Variants in SYT17 observed in about 807,000 individuals in gnomAD.
SYT17 encodes synaptotagmin-17.
Under a neutral mutation model 46.7 loss-of-function variants are expected in SYT17, and 22 were observed. That is an observed-to-expected ratio of 0.47 (90% CI 0.34 to 0.67). SYT17 has a LOEUF of 0.67. Among genes scored for constraint, SYT17 ranks in the 30% least tolerant of loss-of-function variants. SYT17 has a pLI of 0.01. For missense variants in SYT17, 519 were observed against 612.8 expected, an observed-to-expected ratio of 0.85 and a Z score of 1.62; for synonymous variants, 251 against 248.4, an observed-to-expected ratio of 1.01 and a Z score of -0.10.
chr16:19,251,631 A>C (rs1289654805), intron 7 of SYT17, among the ~76,000 whole-genome samples: 3 of 152,112 alleles, frequency 2.0e-5, no homozygotes, highest in Admixed American at 1.3e-4. Flanking sequence ...GCCCATGGGA[A>C]GTGACAGCTT....
chr16:19,178,228 G>A (rs973551869), intron 3 of SYT17, among the ~76,000 whole-genome samples: 8 of 150,686 alleles, frequency 5.3e-5, no homozygotes, highest in African/African-American at 1.7e-4. Context: ...GACTACAGGC[G>A]TCCGCCACCA....
At chr16:19,242,814 C>T (rs2142973551) in intron 7 of SYT17, among the ~76,000 whole-genome samples, 1 of 152,242 alleles carries the variant, frequency 6.6e-6, no homozygotes, top group South Asian at 2.1e-4. Context: ...CAGGTGTGAG[C>T]CACCACACCC....
At chr16:19,189,659 AT>A (rs1455919185) in intron 5 of SYT17, among the ~76,000 whole-genome samples, 1 of 152,186 alleles carries the variant, frequency 6.6e-6, no homozygotes, top group Admixed American at 6.5e-5. Flanking sequence ...CTGATTGCTG[AT>A]TTTTGTTAGA....
chr16:19,236,541 G>T (rs568654140), intron 7 of SYT17, among the ~76,000 whole-genome samples: 1 of 152,024 alleles, frequency 6.6e-6, no homozygotes, highest in East Asian at 1.9e-4. Flanking sequence ...GGGCCCCTGT[G>T]ACCTCCCTCA....
In SYT17 at chr16:19,267,107, T is replaced by TTAAAA; in HGVS notation, c.*31_*32insTAAAA. The TTAAAA allele has an allele frequency of 7.6e-7, 1 of 1,312,364 alleles. No individual in the cohort carries two copies. The highest frequency in any genetic ancestry group is 9.9e-7 in the Non-Finnish European group (1 of 1,006,514). The allele number at this position is 1,312,364 out of a possible 1,614,324, so 81.3% of individuals were successfully genotyped here. ...GCAGGGAAGGCAGCTTTCATTTGTT[T>TTAAAA]AAAAAAAAAAAAAAAAGACGGAAAA... On this transcript the variant is annotated 3_prime_UTR_variant, in exon 8 of 8. Transcript: ENST00000355377.
chr16:19,168,618 CG>C lies in SYT17; in HGVS notation c.-26del. On this transcript the variant is annotated 5_prime_UTR_variant, in exon 1 of 8. It removes the in-frame stop codon of an upstream open reading frame in the 5' UTR. Transcript: ENST00000355377. The surrounding 1 kb of genome is among the most constrained non-coding windows in gnomAD (Gnocchi z 6.9). ...AAAGTGGCCGTGGCGGCGCCATGCC[CG>C]GGCCGGAGTGAGTGCGCGCGGGCGA... 1 of 1,540,988 alleles carries C rather than the reference CG, an allele frequency of 6.5e-7. No individual in the cohort carries two copies. The highest frequency in any genetic ancestry group is 1.4e-5 in the African/African-American group (1 of 71,466).
chr16:19,191,875 C>T (rs1167052288), intron 5 of SYT17, among the ~76,000 whole-genome samples: 1 of 152,056 alleles, frequency 6.6e-6, no homozygotes, highest in African/African-American at 2.4e-5. Context: ...ACCTCTGCCT[C>T]TCGGGTTCAA....
chr16:19,199,488 C>T (rs957018395), intron 5 of SYT17, among the ~76,000 whole-genome samples: 1 of 152,142 alleles, frequency 6.6e-6, no homozygotes, highest in African/African-American at 2.4e-5. Flanking sequence ...CACCTGTAAA[C>T]CCAGCTCTTT....
At position 19,180,652 on chromosome 16, in the gene SYT17, T is replaced by TG. The variant is rs1375618508; in HGVS notation, c.331+114dup. The TG allele has an allele frequency of 5.3e-6, 7 of 1,321,614 alleles. No homozygotes were observed. In the African/African-American group the frequency reaches 1.0e-4, roughly 19 times the overall value. The allele number at this position is 1,321,614 out of a possible 1,614,324, so 81.9% of individuals were successfully genotyped here. A position where few individuals can be genotyped will look rare whatever the true frequency, so the allele number is the denominator to read the frequency against. ...GCTGGGGGAGGGCGGCAGAGTGGGA[T>TG]GACAGTCCAGGAGACAGGGCGAGAG... On this transcript the variant is annotated intron_variant, in intron 4 of 7. Transcript: ENST00000355377.
chr16:19,221,529 C>T (rs1310362226), intron 5 of SYT17, among the ~76,000 whole-genome samples: 1 of 152,168 alleles, frequency 6.6e-6, no homozygotes, highest in Non-Finnish European at 1.5e-5. Context: ...TGTTTGTTAG[C>T]AACTTCTGAG....
chr16:19,213,068 G>A (rs1965967224), intron 5 of SYT17, among the ~76,000 whole-genome samples: 1 of 152,160 alleles, frequency 6.6e-6, no homozygotes, highest in South Asian at 2.1e-4. Context: ...CTAGAGTGCA[G>A]GGGTTCAATC....
intron 5 of SYT17, among the ~76,000 whole-genome samples, chr16:19,212,738 C>T (rs1190273374): frequency 1.3e-5 from 2 of 152,202 alleles, no homozygotes; most frequent in Non-Finnish European, 2.9e-5. Context: ...CCAATCTTAT[C>T]TCACTAAATT....
chr16:19,266,604 G>A (rs985156325), intron 7 of SYT17, among the ~76,000 whole-genome samples: 1 of 152,148 alleles, frequency 6.6e-6, no homozygotes, highest in Non-Finnish European at 1.5e-5. Context: ...CTGGCAGAAG[G>A]AACAGCCAAT....
intron 1 of SYT17, chr16:19,171,607 C>T (rs1964095476): frequency 6.6e-6 from 1 of 152,156 alleles, no homozygotes; most frequent in Admixed American, 6.5e-5. Flanking sequence ...TTATAGGCAT[C>T]AGCCACCACG....
At chr16:19,196,243 A>ATT (rs35656867) in intron 5 of SYT17, among the ~76,000 whole-genome samples, 5,928 of 144,928 alleles carry the variant, frequency 0.041, 144 homozygotes, top group African/African-American at 0.078. Flanking sequence ...CGATAGAAGA[A>ATT]TTTTTTTTTT....
intron 7 of SYT17, among the ~76,000 whole-genome samples, chr16:19,240,150 T>C (rs1966988443): frequency 6.6e-6 from 1 of 152,182 alleles, no homozygotes; most frequent in Non-Finnish European, 1.5e-5. Context: ...CTTCCCTCCT[T>C]CTTGTTGCCT....
At chr16:19,187,584 T>A (rs886574361) in intron 5 of SYT17, among the ~76,000 whole-genome samples, 1 of 152,168 alleles carries the variant, frequency 6.6e-6, no homozygotes, top group Non-Finnish European at 1.5e-5. Context: ...CTCATACTAG[T>A]GAGGCAAGAA....
intron 3 of SYT17, among the ~76,000 whole-genome samples, chr16:19,178,051 G>A (rs1339664485): frequency 6.6e-6 from 1 of 151,984 alleles, no homozygotes; most frequent in African/African-American, 2.4e-5. Context: ...TTGTGATAAA[G>A]GGATACCCAA....
At chr16:19,181,091 G>A (rs1413078709) in intron 4 of SYT17, among the ~76,000 whole-genome samples, 1 of 152,242 alleles carries the variant, frequency 6.6e-6, no homozygotes, top group Non-Finnish European at 1.5e-5. Flanking sequence ...AATGGTAGCT[G>A]TATGGGATTG....
Sources: gnomAD v4.1 joint callset for allele counts (sites outside exome capture counted in the v4.1 genomes callset) on GRCh38, gnomAD v4.1.1 for gene constraint, Gnocchi (gnomAD v3.1) non-coding constraint, MANE v1.5 for transcripts, NCBI Gene and HGNC (gene_info 2026-07-23, HGNC 2026-07-21) for gene names.